DPYSL5: variants seen among roughly 807,000 people sequenced by gnomAD.
DPYSL5 encodes the protein dihydropyrimidinase-related protein 5.
DPYSL5 carries 9 observed loss-of-function variants against 58.4 expected under a neutral mutation model. The observed-to-expected ratio is 0.15, with a 90% CI of 0.09 to 0.27. The LOEUF (loss-of-function observed/expected upper bound fraction) is 0.27, where lower values mean the gene tolerates loss of function less well. DPYSL5 is among the 10% of genes least tolerant of loss of function. DPYSL5 has a pLI of 1.00. For missense variants in DPYSL5, 499 were observed against 770.6 expected (o/e 0.65, Z 4.17); for synonymous variants, 293 against 301.9 (o/e 0.97, Z 0.31).
At position 26,877,320 on chromosome 2, in the gene DPYSL5, T is replaced by G. The variant is rs985895629; in HGVS notation, c.-4-21176T>G. Among the ~76,000 whole-genome samples, 4 of 152,186 alleles carry G rather than the reference T, an allele frequency of 2.6e-5. No homozygotes were observed. Among genetic ancestry groups the G allele is most frequent in the Non-Finnish European group, 5.9e-5 (4 of 68,044 alleles). On this transcript the variant is annotated intron_variant, in intron 1 of 12. Coordinates refer to ENST00000288699, the MANE Select transcript of DPYSL5 (RefSeq NM_020134.4). This position sits in a 1 kb window ranked among gnomAD's most constrained non-coding sequence, Gnocchi z 4.1. ...ATTTCTATTTATTTATTTATTTTTT[T>G]AAGGCCAAGGAATTAAGTGACTGTA...
chr2:26,871,877 A>G (rs922020756), intron 1 of DPYSL5, among the ~76,000 whole-genome samples: 2 of 152,372 alleles, frequency 1.3e-5, no homozygotes, highest in Admixed American at 6.5e-5. Context: ...AACATTTGCC[A>G]TAAATAGATA....
intron 1 of DPYSL5, among the ~76,000 whole-genome samples, chr2:26,886,782 G>C (rs1346170921): frequency 6.6e-6 from 1 of 152,150 alleles, no homozygotes; most frequent in Non-Finnish European, 1.5e-5. Context: ...AGTGACCCCA[G>C]GGTGCCTTAT....
chr2:26,918,425 G>A (rs1026177273), intron 2 of DPYSL5, among the ~76,000 whole-genome samples: 1 of 152,144 alleles, frequency 6.6e-6, no homozygotes, highest in Non-Finnish European at 1.5e-5. Flanking sequence ...GAACGCTGAA[G>A]GTGAAGGAGG....
chr2:26,877,426 G>A lies in DPYSL5; in HGVS notation c.-4-21070G>A, dbSNP rs548305589. On this transcript the variant is annotated intron_variant, in intron 1 of 12. Coordinates refer to ENST00000288699, the MANE Select transcript of DPYSL5 (RefSeq NM_020134.4). The surrounding 1 kb of genome is among the most constrained non-coding windows in gnomAD (Gnocchi z 4.1). ...ATACATGTAACTCATGGATGCAGGGGACGCACATTGTCTGCATTCCTGTTT... is the reference window on the plus strand; with the variant it reads ...ATACATGTAACTCATGGATGCAGGGAACGCACATTGTCTGCATTCCTGTTT... 6.6e-6 allele frequency among the ~76,000 whole-genome samples: 1 copy of A among 152,218 alleles called. No individual in the cohort carries two copies. The highest frequency in any genetic ancestry group is 2.1e-4 in the South Asian group (1 of 4,822).
intron 1 of DPYSL5, among the ~76,000 whole-genome samples, chr2:26,888,691 C>CAA (rs1663792661): frequency 6.6e-6 from 1 of 152,110 alleles, no homozygotes; most frequent in African/African-American, 2.4e-5. Context: ...ACTGGATGAT[C>CAA]AAAGTTTTTG....
chr2:26,901,795 G>A (rs1033197456), intron 2 of DPYSL5, among the ~76,000 whole-genome samples: 12 of 98,062 alleles, frequency 1.2e-4, no homozygotes, highest in African/African-American at 4.4e-4. Flanking sequence ...CCCAGCTAGC[G>A]TCTGCTTGTT....
At chr2:26,867,449 TTTTTTGTTTG>T (rs576080856) in intron 1 of DPYSL5, among the ~76,000 whole-genome samples, 1,564 of 147,456 alleles carry the variant, frequency 0.011, 36 homozygotes, top group African/African-American at 0.037. Flanking sequence ...GTTTGTTTTT[TTTTTTGTTTG>T]TTTTTTTTTT....
intron 2 of DPYSL5, among the ~76,000 whole-genome samples, chr2:26,919,819 G>A (rs946005698): frequency 3.3e-5 from 5 of 152,086 alleles, no homozygotes; most frequent in African/African-American, 1.2e-4. Flanking sequence ...GCTCATATGC[G>A]TTCAAGAATG....
At chr2:26,896,276 C>T (rs1410010348) in intron 1 of DPYSL5, among the ~76,000 whole-genome samples, 1 of 152,126 alleles carries the variant, frequency 6.6e-6, no homozygotes, top group Non-Finnish European at 1.5e-5. Context: ...TCTTTTTCAT[C>T]CATTCATCCA....
rs779868897 is a variant in DPYSL5, at chr2:26,888,263, T to TTCTG, written c.-4-10229_-4-10226dup. Among the ~76,000 whole-genome samples the TTCTG allele has an allele frequency of 3.1e-5, 4 of 130,760 alleles. No homozygotes were observed. In the South Asian group the frequency reaches 7.5e-4, roughly 24 times the overall value. 85.8% of individuals were successfully genotyped at this position (130,760 alleles called of 152,430 possible). A position where few individuals can be genotyped will look rare whatever the true frequency, so the allele number is the denominator to read the frequency against. ...TTTCTTTCTTTCTTTCTTTCTTTCT[T>TTCTG]TCTGTCTTTCTTTCTGTCTTTCTTT... On this transcript the variant is annotated intron_variant, in intron 1 of 12. Coordinates refer to ENST00000288699, the MANE Select transcript of DPYSL5 (RefSeq NM_020134.4).
rs552939231 is a variant in DPYSL5 at position 26,885,059 on chromosome 2, C to T, written c.-4-13437C>T. Among the ~76,000 whole-genome samples the T allele has an allele frequency of 2.3e-3, 343 of 152,114 alleles. 1 individual carries two copies. The highest frequency in any genetic ancestry group is 3.8e-3 in the Non-Finnish European group (259 of 67,980). On this transcript the variant is annotated intron_variant, in intron 1 of 12. Coordinates refer to ENST00000288699, the MANE Select transcript of DPYSL5 (RefSeq NM_020134.4). ...TATTAAAAATACAAAATCAGCTGGGCGTGGTGGCAGGTACCTGTAATCCCA... is the reference window on the plus strand; with the variant it reads ...TATTAAAAATACAAAATCAGCTGGGTGTGGTGGCAGGTACCTGTAATCCCA...
At chr2:26,867,327 G>A (rs1176303497) in intron 1 of DPYSL5, among the ~76,000 whole-genome samples, 1 of 151,992 alleles carries the variant, frequency 6.6e-6, no homozygotes, top group Non-Finnish European at 1.5e-5. Flanking sequence ...GGAAGAGACT[G>A]TAGGCCAACT....
chr2:26,894,887 A>G (rs1402340439), intron 1 of DPYSL5, among the ~76,000 whole-genome samples: 1 of 152,182 alleles, frequency 6.6e-6, no homozygotes, highest in Non-Finnish European at 1.5e-5. Context: ...GCTCCATTTA[A>G]TGCTAAGGGA....
intron 2 of DPYSL5, among the ~76,000 whole-genome samples, chr2:26,910,915 C>A (rs956837334): frequency 1.3e-4 from 19 of 151,848 alleles, no homozygotes; most frequent in African/African-American, 4.6e-4. Flanking sequence ...TTTATTTCTA[C>A]TTCATGCTTT....
chr2:26,906,872 C>T (rs767410274), intron 2 of DPYSL5, among the ~76,000 whole-genome samples: 1 of 151,438 alleles, frequency 6.6e-6, no homozygotes, highest in Admixed American at 6.6e-5. Context: ...GCCATACTCC[C>T]ACCTCAGCCT....
In DPYSL5 at chr2:26,933,295, T is replaced by C. The variant is rs767809586; in HGVS notation, c.752T>C (p.Ile251Thr). 1 of 1,614,200 alleles carries C rather than the reference T, an allele frequency of 6.2e-7. No homozygotes were observed. Among genetic ancestry groups the C allele is most frequent in the Non-Finnish European group, 8.5e-7 (1 of 1,180,026 alleles). ...CPIYLVNVSS[I>T]SAGDVIAAAK... Reference sequence around the variant, plus strand: ...ATCTACCTGGTCAACGTGTCCAGTATCTCGGCTGGTGACGTTATCGCAGCT... The same window carrying C: ...ATCTACCTGGTCAACGTGTCCAGTACCTCGGCTGGTGACGTTATCGCAGCT... The change falls in exon 7 of 13, where the codon ATC becomes ACC. Residue 251 changes from isoleucine to threonine, a missense_variant. This residue lies in a region of DPYSL5 where 404 missense variants were observed against 647.6 expected (regional missense o/e 0.62). Coordinates refer to ENST00000288699, the MANE Select transcript of DPYSL5 (RefSeq NM_020134.4). This position sits in a 1 kb window ranked among gnomAD's most constrained non-coding sequence, Gnocchi z 4.2.
intron 2 of DPYSL5, among the ~76,000 whole-genome samples, chr2:26,920,921 G>A (rs1370989417): frequency 6.6e-6 from 1 of 152,096 alleles, no homozygotes; most frequent in Admixed American, 6.5e-5. Flanking sequence ...GACAGCCTTC[G>A]TGAACATCAT....
chr2:26,864,106 G>A (rs1394874916), intron 1 of DPYSL5, among the ~76,000 whole-genome samples: 1 of 152,162 alleles, frequency 6.6e-6, no homozygotes, highest in African/African-American at 2.4e-5. Flanking sequence ...TTAGCCAAGT[G>A]TAGTGGTGCG....
chr2:26,872,797 A>G (rs1663300486), intron 1 of DPYSL5, among the ~76,000 whole-genome samples: 1 of 152,196 alleles, frequency 6.6e-6, no homozygotes, highest in Admixed American at 6.5e-5. Context: ...CAACAGCGAG[A>G]CTCTGTCTCA....
Sources: allele counts gnomAD v4.1 joint callset (sites outside exome capture counted in the v4.1 genomes callset), GRCh38; gene constraint gnomAD v4.1.1; regional missense constraint gnomAD v4.1.1; non-coding constraint Gnocchi (gnomAD v3.1); transcripts MANE v1.5; gene names NCBI Gene and HGNC (gene_info 2026-07-23, HGNC 2026-07-21).